The following SPON1 variants were observed in gnomAD, a reference collection of about 807,000 sequenced individuals.
SPON1 encodes spondin 1, also known as spondin-1.
Under a neutral mutation model 111.7 loss-of-function variants are expected in SPON1, and 52 were observed. The ratio of observed to expected loss-of-function variants is 0.47; its 90% CI spans 0.37 to 0.59. The LOEUF (loss-of-function observed/expected upper bound fraction) is 0.59. SPON1 is among the 20% of genes least tolerant of loss of function. The pLI, the probability that SPON1 is intolerant of heterozygous loss-of-function variation, is 0.00. For missense variants in SPON1, 957 were observed against 1,068.5 expected (o/e 0.90, Z 1.46); for synonymous variants, 410 against 395.8 (o/e 1.04, Z -0.43).
chr11:14,179,148 A>G (rs1554933443), intron 6 of SPON1, among the ~76,000 whole-genome samples: 1 of 152,204 alleles, frequency 6.6e-6, no homozygotes, highest in Non-Finnish European at 1.5e-5. Context: ...ATTGGGAAAT[A>G]TTGGCAAGCC....
intron 6 of SPON1, among the ~76,000 whole-genome samples, chr11:14,188,478 A>G (rs1848310672): frequency 1.3e-5 from 2 of 152,208 alleles, no homozygotes; most frequent in African/African-American, 4.8e-5. Context: ...TGGACAGAAT[A>G]TGATAATAAG....
At chr11:14,236,683 G>A (rs1245289012) in intron 6 of SPON1, among the ~76,000 whole-genome samples, 2 of 152,224 alleles carry the variant, frequency 1.3e-5, no homozygotes, top group African/African-American at 4.8e-5. Flanking sequence ...AAGTGAATAG[G>A]AGTCAGCGAG....
chr11:14,002,263 T>C (rs1848324868), intron 2 of SPON1, among the ~76,000 whole-genome samples: 1 of 152,188 alleles, frequency 6.6e-6, no homozygotes, highest in Non-Finnish European at 1.5e-5. Context: ...ATCTCCTGGA[T>C]ACTTGTTTGT....
In SPON1 at chr11:14,219,241, A is replaced by G. The variant is rs116223533; in HGVS notation, c.826-24091A>G. Among the ~76,000 whole-genome samples, 127 of 152,282 alleles carry G rather than the reference A, an allele frequency of 8.3e-4. 1 individual carries two copies. The highest frequency in any genetic ancestry group is 3.4e-3 in the Middle Eastern group (1 of 294). On this transcript the variant is annotated intron_variant, in intron 6 of 15. Coordinates refer to ENST00000576479, the MANE Select transcript of SPON1 (RefSeq NM_006108.4). Reference sequence around the variant, plus strand: ...TATTTCTTCTCATTGCAATGTTCCTACCTGCTGCAGTCACATTCAATTTTA... The same window carrying G: ...TATTTCTTCTCATTGCAATGTTCCTGCCTGCTGCAGTCACATTCAATTTTA...
chr11:14,104,893 A>T (rs1554924748), intron 5 of SPON1, among the ~76,000 whole-genome samples: 4 of 152,170 alleles, frequency 2.6e-5, no homozygotes, highest in Non-Finnish European at 5.9e-5. Context: ...GACAGAAATT[A>T]TACAGCTTCT....
At chr11:14,258,333 G>T (rs1849132775) in intron 11 of SPON1, among the ~76,000 whole-genome samples, 2 of 152,154 alleles carry the variant, frequency 1.3e-5, no homozygotes, top group Admixed American at 1.3e-4. Context: ...TCACTTCTTT[G>T]TGTCAGGACC....
In SPON1 at chr11:14,259,847, G is replaced by T; in HGVS notation, c.1831+146G>T. The T allele has an allele frequency of 1.1e-6, 1 of 881,348 alleles. No homozygotes were observed. The allele number at this position is 881,348 out of a possible 1,614,324, so 54.6% of individuals were successfully genotyped here. A position where few individuals can be genotyped will look rare whatever the true frequency, so the allele number is the denominator to read the frequency against. On this transcript the variant is annotated intron_variant, in intron 13 of 15. Transcript: ENST00000576479. The surrounding 1 kb of genome is among the most constrained non-coding windows in gnomAD (Gnocchi z 5.0). The stretch of plus-strand genomic sequence containing the variant: ...CCTTGCTGGGCACTGCTGGGAGCCA[G>T]ATGAGAGACATAGGTGTGTAGACAT...
At chr11:14,131,373 A>G (rs113737163) in intron 5 of SPON1, among the ~76,000 whole-genome samples, 3,312 of 152,276 alleles carry the variant, frequency 0.022, 122 homozygotes, top group African/African-American at 0.075. Context: ...ATAGGAGATC[A>G]TCATCCTAAC....
intron 6 of SPON1, among the ~76,000 whole-genome samples, chr11:14,224,518 G>T (rs1158747425): frequency 1.3e-5 from 2 of 152,166 alleles, no homozygotes; most frequent in East Asian, 3.8e-4. Context: ...TCAGAGGCTG[G>T]TTCCTTTGCT....
At chr11:14,223,277 T>C (rs1370921376) in intron 6 of SPON1, among the ~76,000 whole-genome samples, 7 of 152,136 alleles carry the variant, frequency 4.6e-5, no homozygotes, top group East Asian at 1.9e-4. Flanking sequence ...AGTAGGAGAA[T>C]TGCTTAAACC....
chr11:14,260,426 CT>C (rs1302561340), intron 13 of SPON1, among the ~76,000 whole-genome samples, 161 bp from the exon 14 acceptor site: 51 of 152,288 alleles, frequency 3.3e-4, no homozygotes, highest in South Asian at 6.2e-4. Context: ...TGCTGAGCCA[CT>C]TCTTGCTCCA....
At chr11:14,203,006 C>T (rs1554935814) in intron 6 of SPON1, among the ~76,000 whole-genome samples, 1 of 152,146 alleles carries the variant, frequency 6.6e-6, no homozygotes, top group Non-Finnish European at 1.5e-5. Flanking sequence ...AAATGCCAGA[C>T]TTCAGAAAAT....
rs969071781 is a variant in SPON1 at position 14,095,583 on chromosome 11, A to G, written c.676+15562A>G. ...GTTGAATTCCAAAAGCCTGAGAACA[A>G]AGGGAGCCAATGGTGTAAATCCCAG... On this transcript the variant is annotated intron_variant, in intron 5 of 15. Coordinates refer to ENST00000576479, the MANE Select transcript of SPON1 (RefSeq NM_006108.4). 2.0e-5 allele frequency among the ~76,000 whole-genome samples: 3 copies of G among 152,126 alleles called. No individual in the cohort carries two copies. In the East Asian group the frequency reaches 5.8e-4, roughly 29 times the overall value.
At chr11:13,975,666 G>A (rs1314090807) in intron 1 of SPON1, among the ~76,000 whole-genome samples, 1 of 152,172 alleles carries the variant, frequency 6.6e-6, no homozygotes, top group Non-Finnish European at 1.5e-5. Flanking sequence ...GCTGTAGGAA[G>A]CCTTGCTTTA....
intron 3 of SPON1, among the ~76,000 whole-genome samples, chr11:14,061,476 G>A (rs370475017): frequency 1.8e-4 from 27 of 152,226 alleles, no homozygotes; most frequent in African/African-American, 6.0e-4. Flanking sequence ...CAGTTAATAG[G>A]TCAAGCTTTT....
chr11:14,077,455 CAG>C (rs1395120635), intron 4 of SPON1, among the ~76,000 whole-genome samples: 1 of 150,770 alleles, frequency 6.6e-6, no homozygotes, highest in East Asian at 2.0e-4. Context: ...TTTTTTGAGA[CAG>C]AGTTTCACTC....
At chr11:14,025,131 C>A (rs1554915188) in intron 2 of SPON1, among the ~76,000 whole-genome samples, 6 of 152,126 alleles carry the variant, frequency 3.9e-5, no homozygotes, top group Non-Finnish European at 5.9e-5. Flanking sequence ...AGCTCCTGTT[C>A]CATGTCAGAC....
At chr11:14,098,690 G>A (rs972875486) in intron 5 of SPON1, among the ~76,000 whole-genome samples, 1 of 151,992 alleles carries the variant, frequency 6.6e-6, no homozygotes, top group Admixed American at 6.6e-5. Flanking sequence ...GAGAGAGAGA[G>A]AATAGGAGGG....
At position 14,024,202 on chromosome 11, in the gene SPON1, C is replaced by T. The variant is rs528509771; in HGVS notation, c.346-17319C>T. On this transcript the variant is annotated intron_variant, in intron 2 of 15. Transcript: ENST00000576479. ...GGCAGTATCTTGGGGTGAGTGCTTA[C>T]GACTCTTGAAGCCCCAGTGGGTGTG... 5.3e-5 allele frequency among the ~76,000 whole-genome samples: 8 copies of T among 152,212 alleles called. No homozygotes were observed. The East Asian group carries it at 5.8e-4, about 11-fold the overall frequency.
Sources: gnomAD v4.1 joint callset for allele counts (sites outside exome capture counted in the v4.1 genomes callset) on GRCh38, gnomAD v4.1.1 for gene constraint, Gnocchi (gnomAD v3.1) non-coding constraint, MANE v1.5 for transcripts, NCBI Gene and HGNC (gene_info 2026-07-23, HGNC 2026-07-21) for gene names.